OSBPL6: variants seen among roughly 807,000 people sequenced by gnomAD.
OSBPL6 encodes oxysterol-binding protein-related protein 6.
A neutral mutation model predicts 125.8 loss-of-function variants in OSBPL6; 49 were observed. The ratio of observed to expected loss-of-function variants is 0.39; its 90% CI spans 0.31 to 0.49. The LOEUF (loss-of-function observed/expected upper bound fraction) is 0.49. Among genes scored for constraint, OSBPL6 ranks in the 20% least tolerant of loss-of-function variants. OSBPL6 has a pLI of 0.88. For missense variants in OSBPL6, 986 were observed against 1,135.4 expected, an observed-to-expected ratio of 0.87 and a Z score of 1.89; for synonymous variants, 394 against 391.8, an observed-to-expected ratio of 1.01 and a Z score of -0.07.
intron 2 of OSBPL6, among the ~76,000 whole-genome samples, chr2:178,298,718 T>C (rs958056626): frequency 2.0e-5 from 3 of 151,624 alleles, no homozygotes; most frequent in African/African-American, 7.3e-5. Flanking sequence ...TTTTTTTTTT[T>C]TGCCGTACTG....
At chr2:178,211,584 G>A (rs1208063482) in intron 1 of OSBPL6, among the ~76,000 whole-genome samples, 1 of 152,098 alleles carries the variant, frequency 6.6e-6, no homozygotes, top group African/African-American at 2.4e-5. Flanking sequence ...ATTTTGATAG[G>A]GATGCCTTAC....
intron 14 of OSBPL6, 42 bp downstream of exon 14, chr2:178,372,275 G>T (rs1334513141): frequency 7.1e-7 from 1 of 1,411,784 alleles, no homozygotes; most frequent in Non-Finnish European, 9.8e-7. Context: ...CTATTTTTTA[G>T]CATCTAAATT....
At chr2:178,308,420 C>T (rs1410744300) in intron 3 of OSBPL6, among the ~76,000 whole-genome samples, 1 of 152,214 alleles carries the variant, frequency 6.6e-6, no homozygotes, top group East Asian at 1.9e-4. Context: ...TGAATCCTTT[C>T]CATTCTCCTG....
chr2:178,221,485 G>T lies in OSBPL6; in HGVS notation c.-351+26811G>T, dbSNP rs182293537. Among the ~76,000 whole-genome samples the T allele has an allele frequency of 3.1e-3, 477 of 152,298 alleles. 7 individuals are homozygous for T. The highest frequency in any genetic ancestry group is 2.8e-3 in the Non-Finnish European group (192 of 68,038). On this transcript the variant is annotated intron_variant, in intron 1 of 24. Transcript: ENST00000190611. ...AAGAGTAGATGAAGCTATGAGCATG[G>T]TTTATTGGAAATGTATGTTAAGTTC...
intron 1 of OSBPL6, among the ~76,000 whole-genome samples, chr2:178,227,043 A>G (rs536512579): frequency 6.6e-6 from 1 of 152,362 alleles, no homozygotes; most frequent in South Asian, 2.1e-4. Flanking sequence ...ATGGCTACAC[A>G]CAAAAGATGA....
chr2:178,382,650 A>G (rs1328260870), intron 16 of OSBPL6, 143 bp downstream of exon 16: 2 of 1,511,732 alleles, frequency 1.3e-6, no homozygotes, highest in Non-Finnish European at 8.8e-7. Context: ...AATACATTCT[A>G]TTTTGTATGA....
At chr2:178,320,167 T>G in intron 3 of OSBPL6, 1 of 1,275,854 alleles carries the variant, frequency 7.8e-7, no homozygotes, top group African/African-American at 1.5e-5. Context: ...ATTCAGCTAT[T>G]ATTAAGTGTC....
At chr2:178,374,839 G>C (rs1333738765) in intron 15 of OSBPL6, among the ~76,000 whole-genome samples, 1 of 152,204 alleles carries the variant, frequency 6.6e-6, no homozygotes, top group East Asian at 1.9e-4. Context: ...TTGGATGTTT[G>C]AAATTATGAG....
intron 2 of OSBPL6, among the ~76,000 whole-genome samples, chr2:178,296,765 G>A (rs1685792492): frequency 1.3e-5 from 2 of 152,062 alleles, no homozygotes; most frequent in South Asian, 4.2e-4. Flanking sequence ...AGTTCACAAG[G>A]CTGCAGAACC....
chr2:178,382,688 C>T (rs1271183232), intron 16 of OSBPL6, 181 bp downstream of exon 16: 1 of 1,448,510 alleles, frequency 6.9e-7, no homozygotes, highest in East Asian at 2.6e-5. Flanking sequence ...TTGAAAAAAT[C>T]TGTTAGGTAA....
chr2:178,221,041 T>G (rs1017959540), intron 1 of OSBPL6, among the ~76,000 whole-genome samples: 3 of 152,134 alleles, frequency 2.0e-5, no homozygotes, highest in Non-Finnish European at 4.4e-5. Flanking sequence ...CAGAGGTAAT[T>G]GACTCTTCAG....
Position 178,333,027 on chromosome 2 carries a change from G to C in OSBPL6, c.643G>C (p.Val215Leu), listed in dbSNP as rs947811135. ...AESSPAANVS[V>L]MDGKMQPNSF... is the part of the protein sequence containing the mutation. ...ATCCTCACCAGCTGCTAATGTTTCTGTAATGGATGGAAAGGTATGACTTTG... is the reference window on the plus strand; with the variant it reads ...ATCCTCACCAGCTGCTAATGTTTCTCTAATGGATGGAAAGGTATGACTTTG... Residue 215 changes from valine (V) to leucine (L), a missense_variant, in exon 8 of 25, where the codon GTA becomes CTA. Val to Leu is a conservative substitution (Grantham distance 32). Around this residue, in one of 3 missense-constraint regions of OSBPL6, gnomAD observed 843 missense variants for 997.3 expected, o/e 0.85. Coordinates refer to ENST00000190611, the MANE Select transcript of OSBPL6 (RefSeq NM_032523.4). 3.1e-6 allele frequency: 5 copies of C among 1,613,860 alleles called. No homozygotes were observed. Among genetic ancestry groups the C allele is most frequent in the Admixed American group, 3.3e-5 (2 of 59,914 alleles).
rs368872454 is a variant in OSBPL6 at position 178,330,648 on chromosome 2, G to A, written c.319-904G>A. ...CACTGTACTTACAGAAGGCGATCCC[G>A]AGGCCTGACTGCCTGCCATCTTAGC... is the stretch of plus-strand genomic sequence containing the variant. On this transcript the variant is annotated intron_variant, in intron 5 of 24. Coordinates refer to ENST00000190611, the MANE Select transcript of OSBPL6 (RefSeq NM_032523.4). 1.6e-3 allele frequency among the ~76,000 whole-genome samples: 241 copies of A among 152,288 alleles called. 1 individual carries two copies. The highest frequency in any genetic ancestry group is 5.4e-3 in the African/African-American group (224 of 41,556).
intron 1 of OSBPL6, among the ~76,000 whole-genome samples, chr2:178,278,057 CA>C (rs1490327818): frequency 1.3e-5 from 2 of 152,184 alleles, no homozygotes; most frequent in African/African-American, 4.8e-5. Flanking sequence ...CTCTGAACTA[CA>C]GACTACACTT....
upstream of OSBPL6, among the ~76,000 whole-genome samples, chr2:178,193,781 G>T (rs1305347718): frequency 1.3e-5 from 2 of 152,194 alleles, no homozygotes; most frequent in African/African-American, 4.8e-5. Context: ...TTAAGGGTGT[G>T]GAAGGGTTGT....
At chr2:178,224,145 C>T (rs62177223) in intron 1 of OSBPL6, among the ~76,000 whole-genome samples, 1 of 151,594 alleles carries the variant, frequency 6.6e-6, no homozygotes, top group African/African-American at 2.4e-5. Flanking sequence ...CATGATCTCA[C>T]AATGAACCCG....
chr2:178,243,942 C>T (rs911296601), intron 1 of OSBPL6, among the ~76,000 whole-genome samples: 3 of 152,202 alleles, frequency 2.0e-5, no homozygotes, highest in African/African-American at 4.8e-5. Flanking sequence ...TGAGCCAACA[C>T]GCCTGGCCCA....
intron 11 of OSBPL6, among the ~76,000 whole-genome samples, chr2:178,343,173 A>C (rs1559270123): frequency 6.6e-6 from 1 of 152,156 alleles, no homozygotes; most frequent in Non-Finnish European, 1.5e-5. Flanking sequence ...CTGGTTCTTC[A>C]GTTTGGGCTG....
rs895557781 is a variant in OSBPL6, at chr2:178,256,425, C to A, written c.-350-28502C>A. Reference sequence around the variant, plus strand: ...AGTATCATCTACCATAACAAAGGAACAAGTAGTCAGTTTCAAGCATGCTTT... The same window carrying A: ...AGTATCATCTACCATAACAAAGGAAAAAGTAGTCAGTTTCAAGCATGCTTT... On this transcript the variant is annotated intron_variant, in intron 1 of 24. Transcript: ENST00000190611. Among the ~76,000 whole-genome samples the A allele has an allele frequency of 2.0e-5, 3 of 152,232 alleles. No homozygotes were observed. In the South Asian group the frequency reaches 6.2e-4, roughly 32 times the overall value.
Sources: gnomAD v4.1 joint callset for allele counts (sites outside exome capture counted in the v4.1 genomes callset) on GRCh38, gnomAD v4.1.1 for gene constraint, gnomAD v4.1.1 regional missense constraint, MANE v1.5 for transcripts, NCBI Gene and HGNC (gene_info 2026-07-23, HGNC 2026-07-21) for gene names.